PPP2R1B: variants seen among roughly 807,000 people sequenced by gnomAD.
The protein encoded by PPP2R1B is protein phosphatase 2 scaffold subunit Abeta.
PPP2R1B carries 58 observed loss-of-function variants against 72.7 expected under a neutral mutation model. The ratio of observed to expected loss-of-function variants is 0.80; its 90% CI spans 0.65 to 0.99. The LOEUF (loss-of-function observed/expected upper bound fraction) is 0.99. Ranked by LOEUF, PPP2R1B falls within the 50% of genes least tolerant of loss-of-function variation. The probability of loss-of-function intolerance (pLI) is 0.00; values close to 1 mark genes in which losing one functional copy is unlikely to be tolerated. For missense variants in PPP2R1B, 695 were observed against 733.6 expected, an observed-to-expected ratio of 0.95 and a Z score of 0.61; for synonymous variants, 256 against 264.6, an observed-to-expected ratio of 0.97 and a Z score of 0.32.
chr11:111,739,660 G>C lies in PPP2R1B; in HGVS notation c.*1936C>G, dbSNP rs996151826. On this transcript the variant is annotated 3_prime_UTR_variant, in exon 15 of 15. Coordinates refer to ENST00000527614, the MANE Select transcript of PPP2R1B (RefSeq NM_002716.5). Reference sequence around the variant, plus strand: ...CCCAAAACAATGGCATTTCCAACCAGAGTAAAGCAATGGTTCCAGTGCAAA... The same window carrying C: ...CCCAAAACAATGGCATTTCCAACCACAGTAAAGCAATGGTTCCAGTGCAAA... 3 of 985,254 alleles carry C rather than the reference G, an allele frequency of 3.0e-6. No individual in the cohort carries two copies. The highest frequency in any genetic ancestry group is 3.6e-6 in the Non-Finnish European group (3 of 829,904). The allele number at this position is 985,254 out of a possible 1,614,324, so 61.0% of individuals were successfully genotyped here.
At chr11:111,734,754 G>A (rs1565420427), downstream of PPP2R1B, among the ~76,000 whole-genome samples, 1 of 152,234 alleles carries the variant, frequency 6.6e-6, no homozygotes, top group Non-Finnish European at 1.5e-5. Context: ...CTGGCCAAGA[G>A]GTTGGCCCTT....
At chr11:111,722,090 T>C (rs1367183527), downstream of PPP2R1B, 9 of 549,230 alleles carry the variant, frequency 1.6e-5, no homozygotes, top group Non-Finnish European at 2.8e-5. The surrounding 1 kb of genome is among the most constrained non-coding windows in gnomAD (Gnocchi z 4.4). Context: ...TTGGAGTTTC[T>C]AGAAACGTGT....
intron 15 of PPP2R1B, chr11:111,728,734 C>CTGGT (rs1427175697): frequency 1.3e-5 from 2 of 152,228 alleles, no homozygotes; most frequent in South Asian, 4.2e-4. Context: ...TGAGACCATC[C>CTGGT]TAACACAGTG....
At chr11:111,721,842 C>G in the PPP2R1B span, 115 of 1,607,702 alleles carry the variant, frequency 7.2e-5, 1 homozygote, top group South Asian at 1.2e-3. Context: ...AGAAGTTTCT[C>G]AGCAGCAGGA....
the PPP2R1B span, among the ~76,000 whole-genome samples, chr11:111,704,565 C>G: frequency 6.6e-5 from 10 of 152,186 alleles, no homozygotes; most frequent in African/African-American, 2.2e-4. Flanking sequence ...CCATTCACTT[C>G]AGAGTTTTCA....
the PPP2R1B span, among the ~76,000 whole-genome samples, chr11:111,715,367 C>G: frequency 0.24 from 37,030 of 152,166 alleles, 4,708 homozygotes; most frequent in Middle Eastern, 0.32. Context: ...GAGACTGCCT[C>G]ATGTGCATTT....
chr11:111,726,999 G>C, exon 16 of PPP2R1B: 1 of 1,614,092 alleles, frequency 6.2e-7, no homozygotes, highest in Non-Finnish European at 8.5e-7. Flanking sequence ...CACTAGCTCT[G>C]CAATTCCCAG....
At chr11:111,721,571 G>A in the PPP2R1B span, among the ~76,000 whole-genome samples, 1 of 152,198 alleles carries the variant, frequency 6.6e-6, no homozygotes, top group Non-Finnish European at 1.5e-5. Flanking sequence ...AGGCCCACAT[G>A]AAGGCCATAG....
rs199883992 is a variant in PPP2R1B at position 111,763,870 on chromosome 11, A to G, written c.306+935T>C. Among the ~76,000 whole-genome samples the G allele has an allele frequency of 4.6e-4, 59 of 128,300 alleles. No homozygotes were observed. In the East Asian group the frequency reaches 0.014, roughly 30 times the overall value. 84.2% of individuals were successfully genotyped at this position (128,300 alleles called of 152,430 possible). A position where few individuals can be genotyped will look rare whatever the true frequency, so the allele number is the denominator to read the frequency against. On this transcript the variant is annotated intron_variant, in intron 3 of 14. Transcript: ENST00000527614. ...AAACTCTCTCTCTCTCTCTCTCTCTATATATATATATTCATACTTATCTAT... is the reference window on the plus strand; with the variant it reads ...AAACTCTCTCTCTCTCTCTCTCTCTGTATATATATATTCATACTTATCTAT...
chr11:111,742,869 G>A (rs925050409), intron 12 of PPP2R1B, among the ~76,000 whole-genome samples: 4 of 151,340 alleles, frequency 2.6e-5, no homozygotes, highest in African/African-American at 9.7e-5. Context: ...TTAAAATACT[G>A]TAGTTTTGTT....
chr11:111,716,278 A>G, the PPP2R1B span, among the ~76,000 whole-genome samples: 1 of 152,160 alleles, frequency 6.6e-6, no homozygotes, highest in Non-Finnish European at 1.5e-5. Context: ...AGTACACACA[A>G]GGTCTGAAAA....
At position 111,753,313 on chromosome 11, in the gene PPP2R1B, T is replaced by C. The variant is rs145755194; in HGVS notation, c.1164+130A>G. The C allele has an allele frequency of 5.5e-4, 700 of 1,274,238 alleles. 6 individuals carry two copies. In the Admixed American group the frequency reaches 0.017, roughly 31 times the overall value. 78.9% of individuals were successfully genotyped at this position (1,274,238 alleles called of 1,614,324 possible). On this transcript the variant is annotated intron_variant, in intron 9 of 14. Coordinates refer to ENST00000527614, the MANE Select transcript of PPP2R1B (RefSeq NM_002716.5). ...CCCATACCCAAAATCACAGGTGTCA[T>C]TGGTTTAAAATAAGTTATGATTTTT...
chr11:111,690,452 TA>T, the PPP2R1B span, among the ~76,000 whole-genome samples: 16 of 152,048 alleles, frequency 1.1e-4, no homozygotes, highest in African/African-American at 2.4e-4. Context: ...TTTTTATTAT[TA>T]TTTTTTTACT....
rs1945305550 is a variant in PPP2R1B, at chr11:111,761,024, C to A, written c.334G>T (p.Glu112Ter). The A allele has an allele frequency of 6.2e-7, 1 of 1,614,094 alleles. No individual in the cohort carries two copies. The highest frequency in any genetic ancestry group is 8.5e-7 in the Non-Finnish European group (1 of 1,180,008). Reference sequence around the variant, plus strand: ...GCCTTGTCACGAACAACAGTCTCTTCCACAGTTGCCAGATTTTCCAAAGGA... The same window carrying A: ...GCCTTGTCACGAACAACAGTCTCTTACACAGTTGCCAGATTTTCCAAAGGA... ...LPPLENLATV[E>*]ETVVRDKAVE... Residue 112 changes from glutamate (E) to a stop codon, truncating the protein, a stop_gained, in exon 4 of 15, where the codon GAA becomes TAA. Coordinates refer to ENST00000527614, the MANE Select transcript of PPP2R1B (RefSeq NM_002716.5). LOFTEE classifies it high-confidence loss of function.
chr11:111,734,710 T>G (rs1944290347), downstream of PPP2R1B, among the ~76,000 whole-genome samples: 2 of 152,266 alleles, frequency 1.3e-5, no homozygotes, highest in African/African-American at 4.8e-5. Flanking sequence ...TCACATCTCC[T>G]GTAGTCTTTC....
the PPP2R1B span, chr11:111,704,871 T>G: frequency 2.4e-6 from 3 of 1,250,282 alleles, no homozygotes; most frequent in Non-Finnish European, 3.2e-6. Flanking sequence ...AGACACTTTG[T>G]TTTTCACCCT....
chr11:111,703,344 A>G, the PPP2R1B span: 1 of 1,614,166 alleles, frequency 6.2e-7, no homozygotes, highest in Non-Finnish European at 8.5e-7. Flanking sequence ...CAAGAAAATG[A>G]GCCATCCATC....
the PPP2R1B span, chr11:111,703,557 A>G: frequency 1.4e-6 from 1 of 695,978 alleles, no homozygotes; most frequent in Non-Finnish European, 2.4e-6. Context: ...CCTATAGATG[A>G]CATCAGACTC....
At chr11:111,725,731 G>A (rs1438807855), downstream of PPP2R1B, 2 of 152,654 alleles carry the variant, frequency 1.3e-5, no homozygotes, top group Non-Finnish European at 2.9e-5. Context: ...GGTGACGTGT[G>A]GAAAGTCTAG....
Sources: gnomAD v4.1 joint callset for allele counts (sites outside exome capture counted in the v4.1 genomes callset) on GRCh38, gnomAD v4.1.1 for gene constraint, Gnocchi (gnomAD v3.1) non-coding constraint, MANE v1.5 for transcripts, NCBI Gene and HGNC (gene_info 2026-07-23, HGNC 2026-07-21) for gene names.